Variants in CFAP70 observed in about 807,000 individuals in gnomAD.
CFAP70 encodes cilia- and flagella-associated protein 70.
CFAP70 carries 81 observed loss-of-function variants against 137.6 expected under a neutral mutation model. The observed-to-expected ratio is 0.59, with a 90% CI of 0.49 to 0.71. The LOEUF is 0.71. Among genes scored for constraint, CFAP70 ranks in the 30% least tolerant of loss-of-function variants. The probability of loss-of-function intolerance (pLI) is 0.00; values close to 1 mark genes in which losing one functional copy is unlikely to be tolerated. For synonymous variants in CFAP70, 382 were observed against 423.6 expected (o/e 0.90, Z 1.20); for missense variants, 976 against 1,226.7 (o/e 0.80, Z 3.05).
In CFAP70 at chr10:73,275,659, G is replaced by A. The variant is rs2131742684; in HGVS notation, c.2521-61C>T. On this transcript the variant is annotated intron_variant, in intron 21 of 26. Transcript: ENST00000310715. This position sits in a 1 kb window ranked among gnomAD's most constrained non-coding sequence, Gnocchi z 4.0. ...TGGCTGCATTGCGTCTTTTTCGGTT[G>A]AAGGATTCTGTCTCTGATAATAAAT... 1 of 1,356,550 alleles carries A rather than the reference G, an allele frequency of 7.4e-7. No individual in the cohort carries two copies. The highest frequency in any genetic ancestry group is 2.7e-5 in the East Asian group (1 of 37,570). 84.0% of individuals were successfully genotyped at this position (1,356,550 alleles called of 1,614,324 possible).
chr10:73,346,735 A>T (rs1364452014), intron 4 of CFAP70, among the ~76,000 whole-genome samples: 2 of 152,200 alleles, frequency 1.3e-5, no homozygotes, highest in Admixed American at 1.3e-4. Flanking sequence ...TTCAACATAG[A>T]ACTCATGTCA....
chr10:73,345,376 C>T, intron 4 of CFAP70, 132 bp from the exon 6 acceptor site: 1 of 823,982 alleles, frequency 1.2e-6, no homozygotes, highest in Admixed American at 2.7e-5. Context: ...TAAGTTGAAA[C>T]CATGTTCTCT....
At chr10:73,322,862 G>A in intron 9 of CFAP70, 101 bp downstream of exon 10, 5 of 993,070 alleles carry the variant, frequency 5.0e-6, no homozygotes, top group Non-Finnish European at 5.7e-6. Flanking sequence ...ATACCAACTG[G>A]TTCTAAATAT....
chr10:73,328,531 C>G (rs1424563242), intron 8 of CFAP70, among the ~76,000 whole-genome samples: 1 of 148,244 alleles, frequency 6.7e-6, no homozygotes, highest in East Asian at 2.1e-4. Flanking sequence ...GCAAAAGAAA[C>G]TACCATCAGA....
chr10:73,351,423 T>G (rs1460925969), intron 3 of CFAP70, among the ~76,000 whole-genome samples: 1 of 151,112 alleles, frequency 6.6e-6, no homozygotes, highest in African/African-American at 2.4e-5. Context: ...CAGTCATTGT[T>G]TTTTTGTTTG....
chr10:73,319,350 C>T (rs2050666433), intron 9 of CFAP70, among the ~76,000 whole-genome samples: 2 of 152,054 alleles, frequency 1.3e-5, no homozygotes, highest in South Asian at 4.1e-4. Context: ...TGGAGAAAGT[C>T]ACTCCCCCTA....
At chr10:73,260,534 T>A (rs2045057102) in intron 25 of CFAP70, among the ~76,000 whole-genome samples, 1 of 152,300 alleles carries the variant, frequency 6.6e-6, no homozygotes, top group South Asian at 2.1e-4. Flanking sequence ...TTACATACCA[T>A]AAAATTCACT....
At chr10:73,265,591 C>A (rs1309869642) in intron 25 of CFAP70, among the ~76,000 whole-genome samples, 1 of 152,138 alleles carries the variant, frequency 6.6e-6, no homozygotes, top group Admixed American at 6.6e-5. Context: ...CATTATTTTG[C>A]AATTGCAATA....
chr10:73,262,835 T>C (rs1437361773), intron 25 of CFAP70, among the ~76,000 whole-genome samples: 1 of 152,128 alleles, frequency 6.6e-6, no homozygotes, highest in Non-Finnish European at 1.5e-5. Context: ...GTTAAAAATA[T>C]GTAGAAAAGT....
intron 25 of CFAP70, among the ~76,000 whole-genome samples, chr10:73,261,690 T>A (rs1365964086): frequency 6.6e-6 from 1 of 151,824 alleles, no homozygotes; most frequent in Non-Finnish European, 1.5e-5. Context: ...CCAAAATATA[T>A]CAGATGGGGT....
chr10:73,280,866 T>C (rs1330104726), intron 19 of CFAP70, among the ~76,000 whole-genome samples: 1 of 152,164 alleles, frequency 6.6e-6, no homozygotes, highest in Non-Finnish European at 1.5e-5. Context: ...TTGGTTTCAT[T>C]GATTGTCTCT....
rs1357475974 is a variant in CFAP70 at position 73,256,354 on chromosome 10, G to GC, written c.3075+14dup. 1 of 1,613,810 alleles carries GC rather than the reference G, an allele frequency of 6.2e-7. No homozygotes were observed. Among genetic ancestry groups the GC allele is most frequent in the Non-Finnish European group, 8.5e-7 (1 of 1,179,890 alleles). On this transcript the variant is annotated intron_variant, in intron 26 of 26. Transcript: ENST00000310715. ...AACATGGGGCAGGCAAATGACAGAGGCATCTGTGTCATACCTTGATCATGT... is the reference window on the plus strand; with the variant it reads ...AACATGGGGCAGGCAAATGACAGAGGCCATCTGTGTCATACCTTGATCATGT...
chr10:73,266,623 TA>T (rs991806537), intron 25 of CFAP70, among the ~76,000 whole-genome samples: 2 of 152,186 alleles, frequency 1.3e-5, no homozygotes, highest in Non-Finnish European at 2.9e-5. Flanking sequence ...TTTCAGATTT[TA>T]AAAAAGCTAG....
In CFAP70 at chr10:73,278,218, G is replaced by T. The variant is rs747201449; in HGVS notation, c.2359C>A (p.Pro787Thr). The T allele has an allele frequency of 1.9e-6, 3 of 1,613,920 alleles. No individual in the cohort carries two copies. In the South Asian group the frequency reaches 3.3e-5, roughly 18 times the overall value. The stretch of plus-strand genomic sequence containing the variant: ...ATCTCCTTGATAAATGTGTTAGATG[G>T]TTTTTGGCTTATACTTGGATCCCAA... Residue 787 changes from proline (P) to threonine (T), a missense_variant, in exon 20 of 27, where the codon CCA becomes ACA. Coordinates refer to ENST00000310715, the Ensembl canonical transcript of CFAP70.
chr10:73,334,692 G>C (rs1280366710), intron 7 of CFAP70, among the ~76,000 whole-genome samples: 1 of 150,990 alleles, frequency 6.6e-6, no homozygotes, highest in Non-Finnish European at 1.5e-5. Flanking sequence ...CGATTCTCCT[G>C]CCTCAGCCTC....
At chr10:73,349,831 T>A (rs993799450) in intron 3 of CFAP70, among the ~76,000 whole-genome samples, 3 of 152,248 alleles carry the variant, frequency 2.0e-5, no homozygotes, top group Admixed American at 6.5e-5. Flanking sequence ...AATACTTTTA[T>A]CATATTTGCT....
chr10:73,279,653 G>A (rs1304253473), intron 19 of CFAP70, among the ~76,000 whole-genome samples: 2 of 152,076 alleles, frequency 1.3e-5, no homozygotes, highest in Non-Finnish European at 2.9e-5. Flanking sequence ...AAGCTCAGGA[G>A]TTCAAGACCA....
intron 12 of CFAP70, among the ~76,000 whole-genome samples, chr10:73,300,669 C>A (rs1250172911): frequency 6.6e-6 from 1 of 151,964 alleles, no homozygotes; most frequent in Non-Finnish European, 1.5e-5. Context: ...TCGAGACCAG[C>A]CTGAGAAACA....
At chr10:73,354,632 T>C (rs1002283655) in intron 2 of CFAP70, 102 bp downstream of exon 2, 1 of 899,768 alleles carries the variant, frequency 1.1e-6, no homozygotes, top group Admixed American at 2.0e-5. Flanking sequence ...CACTGCTACA[T>C]AAAGCCAGGA....
Sources: gnomAD v4.1 joint callset for allele counts (sites outside exome capture counted in the v4.1 genomes callset) on GRCh38, gnomAD v4.1.1 for gene constraint, Gnocchi (gnomAD v3.1) non-coding constraint, MANE v1.5 for transcripts, NCBI Gene and HGNC (gene_info 2026-07-23, HGNC 2026-07-21) for gene names.